NAALADL2: variants seen among roughly 807,000 people sequenced by gnomAD.
The protein encoded by NAALADL2 is N-acetylated alpha-linked acidic dipeptidase like 2.
Under a neutral mutation model 87.2 loss-of-function variants are expected in NAALADL2, and 76 were observed. That is an observed-to-expected ratio of 0.87 (90% CI 0.72 to 1.05). NAALADL2 has a LOEUF of 1.05. Ranked by LOEUF, NAALADL2 falls within the 50% of genes least tolerant of loss-of-function variation. The probability of loss-of-function intolerance (pLI) is 0.00; values close to 1 mark genes in which losing one functional copy is unlikely to be tolerated. For synonymous variants in NAALADL2, 354 were observed against 331.0 expected, an observed-to-expected ratio of 1.07 and a Z score of -0.75; for missense variants, 1,089 against 945.8, an observed-to-expected ratio of 1.15 and a Z score of -1.99.
chr3:175,570,070 A>C (rs868492300), intron 9 of NAALADL2, among the ~76,000 whole-genome samples: 23 of 152,202 alleles, frequency 1.5e-4, no homozygotes, highest in African/African-American at 5.5e-4. Flanking sequence ...AGGTCTGAGC[A>C]CCAGGAAAGC....
chr3:174,707,541 C>T (rs1036580408), intron 2 of NAALADL2, among the ~76,000 whole-genome samples: 19 of 150,732 alleles, frequency 1.3e-4, no homozygotes, highest in Non-Finnish European at 2.5e-4. Context: ...CAAACTATTG[C>T]AAGGACAGAA....
At chr3:174,855,715 C>T (rs890097638), upstream of NAALADL2, among the ~76,000 whole-genome samples, 2 of 149,014 alleles carry the variant, frequency 1.3e-5, no homozygotes, top group African/African-American at 4.9e-5. Context: ...GGGCTAGGTG[C>T]CAGGAACTTG....
At chr3:174,885,146 A>G (rs186430558) in intron 1 of NAALADL2, among the ~76,000 whole-genome samples, 7 of 152,190 alleles carry the variant, frequency 4.6e-5, no homozygotes, top group Non-Finnish European at 8.8e-5. Flanking sequence ...ACATATCCCA[A>G]TTGCAAGTTG....
intron 4 of NAALADL2, among the ~76,000 whole-genome samples, chr3:175,318,492 A>G (rs929278857): frequency 1.3e-5 from 2 of 152,100 alleles, no homozygotes; most frequent in Non-Finnish European, 1.5e-5. Flanking sequence ...TTTTTCCTCA[A>G]AAAACTTTTG....
intron 2 of NAALADL2, among the ~76,000 whole-genome samples, chr3:175,181,791 G>GTATATATATA (rs1560129304): frequency 0.014 from 2,033 of 140,872 alleles, 63 homozygotes; most frequent in African/African-American, 0.051. Flanking sequence ...ATATATATGT[G>GTATATATATA]TGTGTGTATA....
At chr3:175,493,594 T>G (rs1728402419) in intron 9 of NAALADL2, among the ~76,000 whole-genome samples, 1 of 152,176 alleles carries the variant, frequency 6.6e-6, no homozygotes, top group South Asian at 2.1e-4. Context: ...ATTATGCCTG[T>G]GAAAACTGCA....
intron 10 of NAALADL2, among the ~76,000 whole-genome samples, chr3:175,605,425 T>A (rs1347093951): frequency 6.6e-6 from 1 of 152,142 alleles, no homozygotes; most frequent in African/African-American, 2.4e-5. Flanking sequence ...GGGAAACTCT[T>A]ATGGGGAAAT....
chr3:175,400,422 G>A (rs1770416231), intron 5 of NAALADL2, among the ~76,000 whole-genome samples: 1 of 152,092 alleles, frequency 6.6e-6, no homozygotes, highest in Non-Finnish European at 1.5e-5. Context: ...GACCATGTTT[G>A]TCTGTGTCCT....
chr3:175,288,044 T>C (rs1169209305), intron 4 of NAALADL2, among the ~76,000 whole-genome samples: 4 of 152,210 alleles, frequency 2.6e-5, no homozygotes, highest in Non-Finnish European at 4.4e-5. Flanking sequence ...TTAACCAATG[T>C]TAATGTTTAA....
chr3:174,767,898 T>C (rs1018761118), intron 3 of NAALADL2, among the ~76,000 whole-genome samples: 2 of 152,204 alleles, frequency 1.3e-5, no homozygotes, highest in Admixed American at 6.5e-5. Flanking sequence ...CAAGAGGTTA[T>C]GTCAATGTTC....
intron 1 of NAALADL2, among the ~76,000 whole-genome samples, chr3:174,912,546 G>A (rs1016950054): frequency 6.6e-6 from 1 of 152,132 alleles, no homozygotes; most frequent in African/African-American, 2.4e-5. Context: ...AATCTGATTT[G>A]TTTCTTGAGC....
chr3:174,751,210 T>C (rs979550793), intron 3 of NAALADL2, among the ~76,000 whole-genome samples: 3 of 152,120 alleles, frequency 2.0e-5, no homozygotes, highest in East Asian at 1.9e-4. Flanking sequence ...AATCCAGATA[T>C]ATTATATCAT....
intron 3 of NAALADL2, among the ~76,000 whole-genome samples, chr3:174,783,023 T>A (rs1460321956): frequency 6.6e-6 from 1 of 152,178 alleles, no homozygotes; most frequent in Non-Finnish European, 1.5e-5. Context: ...TGGCTGTCTT[T>A]CTTCTATTTT....
At chr3:175,147,279 C>A (rs1039823661) in intron 2 of NAALADL2, among the ~76,000 whole-genome samples, 1 of 152,056 alleles carries the variant, frequency 6.6e-6, no homozygotes, top group Non-Finnish European at 1.5e-5. Context: ...TCTATTGTTG[C>A]CATCTTTGCA....
chr3:175,574,791 T>A (rs1296783777), intron 9 of NAALADL2, among the ~76,000 whole-genome samples: 1 of 152,128 alleles, frequency 6.6e-6, no homozygotes, highest in African/African-American at 2.4e-5. Flanking sequence ...ATTTTTGAAA[T>A]TATGTCACGC....
intron 2 of NAALADL2, among the ~76,000 whole-genome samples, chr3:174,601,725 C>G (rs1439058218): frequency 6.6e-6 from 1 of 152,084 alleles, no homozygotes. Context: ...TTGTCCACTC[C>G]CATGTCCTGG....
chr3:174,576,829 C>A (rs906357468), intron 2 of NAALADL2, among the ~76,000 whole-genome samples: 3 of 152,060 alleles, frequency 2.0e-5, no homozygotes, highest in Non-Finnish European at 4.4e-5. Flanking sequence ...CATTGGTATG[C>A]CATTTCCTTT....
intron 1 of NAALADL2, among the ~76,000 whole-genome samples, chr3:174,481,768 G>T (rs1717569048): frequency 6.6e-6 from 1 of 152,256 alleles, no homozygotes; most frequent in African/African-American, 2.4e-5. Context: ...CACTAGTGAA[G>T]TCACAGATGG....
intron 1 of NAALADL2, among the ~76,000 whole-genome samples, chr3:174,510,903 T>C (rs1185539551): frequency 6.6e-6 from 1 of 152,014 alleles, no homozygotes; most frequent in Non-Finnish European, 1.5e-5. Context: ...CGTGTGTTCA[T>C]TTTCTTTCAA....
Sources: gnomAD v4.1 joint callset for allele counts (sites outside exome capture counted in the v4.1 genomes callset) on GRCh38, gnomAD v4.1.1 for gene constraint, MANE v1.5 for transcripts, NCBI Gene and HGNC (gene_info 2026-07-23, HGNC 2026-07-21) for gene names.